Variants in CARS1 observed in about 807,000 individuals in gnomAD.
The protein encoded by CARS1 is cysteine--tRNA ligase, cytoplasmic.
A neutral mutation model predicts 106.2 loss-of-function variants in CARS1; 48 were observed. That is an observed-to-expected ratio of 0.45 (90% CI 0.36 to 0.57). The LOEUF is 0.57. CARS1 is among the 20% of genes least tolerant of loss of function. CARS1 has a pLI of 0.00. For missense variants in CARS1, 968 were observed against 1,057.2 expected, an observed-to-expected ratio of 0.92 and a Z score of 1.17; for synonymous variants, 409 against 403.4, an observed-to-expected ratio of 1.01 and a Z score of -0.17.
chr11:3,057,293 C>T (rs761574995), intron 1 of CARS1, 50 bp downstream of exon 1: 8 of 1,554,282 alleles, frequency 5.1e-6, no homozygotes, highest in Non-Finnish European at 7.1e-6. Context: ...GCACCCAGCG[C>T]CCAGTCAGGC....
chr11:3,053,744 A>G lies in CARS1; in HGVS notation c.25+3599T>C, dbSNP rs369330375. 5.9e-5 allele frequency among the ~76,000 whole-genome samples: 9 copies of G among 152,216 alleles called. No individual in the cohort carries two copies. Among genetic ancestry groups the G allele is most frequent in the South Asian group, 4.1e-4 (2 of 4,820 alleles). ...AAGTGAGGTTTAAACCAGCTTCCCCATGGGTGGAAAGCTTGCTAAAATGCA... is the reference window on the plus strand; with the variant it reads ...AAGTGAGGTTTAAACCAGCTTCCCCGTGGGTGGAAAGCTTGCTAAAATGCA... On this transcript the variant is annotated intron_variant, in intron 1 of 22. Coordinates refer to ENST00000380525, the MANE Select transcript of CARS1 (RefSeq NM_001014437.3). The surrounding 1 kb of genome is among the most constrained non-coding windows in gnomAD (Gnocchi z 6.6).
Position 3,050,973 on chromosome 11 carries a change from C to T in CARS1, c.26-2972G>A, listed in dbSNP as rs1320167793. On this transcript the variant is annotated intron_variant, in intron 1 of 22. Transcript: ENST00000380525. This position sits in a 1 kb window ranked among gnomAD's most constrained non-coding sequence, Gnocchi z 6.3. Reference sequence around the variant, plus strand: ...TCAGCATCTACAACTGAGCGTGTGACATTCCAGATATCAGCTAAAGTTGCC... The same window carrying T: ...TCAGCATCTACAACTGAGCGTGTGATATTCCAGATATCAGCTAAAGTTGCC... Among the ~76,000 whole-genome samples the T allele has an allele frequency of 6.6e-6, 1 of 152,260 alleles. No homozygotes were observed. Among genetic ancestry groups the T allele is most frequent in the Non-Finnish European group, 1.5e-5 (1 of 68,044 alleles).
In CARS1 at chr11:3,020,378, C is replaced by G. The variant is rs772670388; in HGVS notation, c.1154-46G>C. On this transcript the variant is annotated intron_variant, in intron 10 of 22. Transcript: ENST00000380525. The surrounding 1 kb of genome is among the most constrained non-coding windows in gnomAD (Gnocchi z 4.6). Reference sequence around the variant, plus strand: ...AGGCAAGGTCACTCAGCAGCACCCACAGACCCACATGTCTCACTTCAAGGC... The same window carrying G: ...AGGCAAGGTCACTCAGCAGCACCCAGAGACCCACATGTCTCACTTCAAGGC... 1 of 1,175,572 alleles carries G rather than the reference C, an allele frequency of 8.5e-7. No individual in the cohort carries two copies. The highest frequency in any genetic ancestry group is 1.3e-6 in the Non-Finnish European group (1 of 781,960). The allele number at this position is 1,175,572 out of a possible 1,614,324, so 72.8% of individuals were successfully genotyped here. A position where few individuals can be genotyped will look rare whatever the true frequency, so the allele number is the denominator to read the frequency against.
rs1195372964 is a variant in CARS1 at position 3,041,972 on chromosome 11, A to G, written c.366+193T>C. Among the ~76,000 whole-genome samples, 3 of 152,330 alleles carry G rather than the reference A, an allele frequency of 2.0e-5. No homozygotes were observed. In the East Asian group the frequency reaches 5.8e-4, roughly 29 times the overall value. On this transcript the variant is annotated intron_variant, in intron 3 of 22. Transcript: ENST00000380525. The surrounding 1 kb of genome is among the most constrained non-coding windows in gnomAD (Gnocchi z 4.9). The stretch of plus-strand genomic sequence containing the variant: ...ATGATACTTCACGTGTCTGGGTTTC[A>G]GAGGACAGCTCTGCCTCTGGGCCAC...
chr11:3,026,927 G>A, intron 9 of CARS1, 130 bp from the exon 10 acceptor site: 1 of 1,027,966 alleles, frequency 9.7e-7, no homozygotes, highest in East Asian at 2.5e-5. Flanking sequence ...CTCTGTGGTG[G>A]CCACTGAAAA....
intron 10 of CARS1, among the ~76,000 whole-genome samples, chr11:3,024,175 G>C (rs1851831602): frequency 6.6e-6 from 1 of 152,220 alleles, no homozygotes; most frequent in Non-Finnish European, 1.5e-5. Context: ...ACAGGCGTGA[G>C]CCACTGCACC....
In CARS1 at chr11:3,028,778, G is replaced by A. The variant is rs967334963; in HGVS notation, c.1031+218C>T. 1.8e-6 allele frequency: 1 copy of A among 542,476 alleles called. No homozygotes were observed. Among genetic ancestry groups the A allele is most frequent in the Non-Finnish European group, 3.3e-6 (1 of 307,504 alleles). The allele number at this position is 542,476 out of a possible 1,614,324, so 33.6% of individuals were successfully genotyped here. A position where few individuals can be genotyped will look rare whatever the true frequency, so the allele number is the denominator to read the frequency against. On this transcript the variant is annotated intron_variant, in intron 9 of 22. Transcript: ENST00000380525. This position sits in a 1 kb window ranked among gnomAD's most constrained non-coding sequence, Gnocchi z 4.4. The stretch of plus-strand genomic sequence containing the variant: ...TGCCGAGCTTCCCAGCAGATTCTGG[G>A]TTAGGTTCTCACCATGGCCCCCAGG...
At chr11:3,015,444 G>A (rs1850890361) in intron 17 of CARS1, among the ~76,000 whole-genome samples, 2 of 152,244 alleles carry the variant, frequency 1.3e-5, no homozygotes, top group Admixed American at 6.5e-5. Flanking sequence ...GTCAGTATAT[G>A]TGACGAAGTC....
Position 3,026,607 on chromosome 11 carries a change from G to A in CARS1, c.1153+69C>T, listed in dbSNP as rs1030281368. The A allele has an allele frequency of 3.8e-6, 6 of 1,574,188 alleles. No homozygotes were observed. The African/African-American group carries it at 8.1e-5, about 21-fold the overall frequency. ...GGGCTCAGCGCAGCCCCCGTGGCCT[G>A]CAAAGTCAACACAACCCAGGCTGGG... On this transcript the variant is annotated intron_variant, in intron 10 of 22. Coordinates refer to ENST00000380525, the MANE Select transcript of CARS1 (RefSeq NM_001014437.3).
rs1281325969 is a variant in CARS1, at chr11:3,046,305, A to C, written c.274+1448T>G. 1.3e-5 allele frequency among the ~76,000 whole-genome samples: 2 copies of C among 152,174 alleles called. No homozygotes were observed. Among genetic ancestry groups the C allele is most frequent in the African/African-American group, 2.4e-5 (1 of 41,438 alleles). On this transcript the variant is annotated intron_variant, in intron 2 of 22. Coordinates refer to ENST00000380525, the MANE Select transcript of CARS1 (RefSeq NM_001014437.3). This position sits in a 1 kb window ranked among gnomAD's most constrained non-coding sequence, Gnocchi z 5.8. ...AGGCCACTGCTGAGCTGGACGTACCAGGCCCGCTTCACCCTCCCTAATCCT... is the reference window on the plus strand; with the variant it reads ...AGGCCACTGCTGAGCTGGACGTACCCGGCCCGCTTCACCCTCCCTAATCCT...
intron 19 of CARS1, among the ~76,000 whole-genome samples, chr11:3,006,076 T>A (rs144279485): frequency 6.6e-6 from 1 of 152,352 alleles, no homozygotes; most frequent in East Asian, 1.9e-4. Flanking sequence ...ACATCTCAGT[T>A]ACCTAGATTT....
At chr11:3,025,133 C>G (rs1370328536) in intron 10 of CARS1, among the ~76,000 whole-genome samples, 2 of 152,190 alleles carry the variant, frequency 1.3e-5, no homozygotes, top group African/African-American at 4.8e-5. Flanking sequence ...CCCCTCTACT[C>G]CCACAAACCC....
chr11:3,026,910 A>G (rs494427), intron 9 of CARS1, 113 bp from the exon 10 acceptor site: 483,033 of 1,174,962 alleles, frequency 0.41, 105,740 homozygotes, highest in African/African-American at 0.73. Context: ...TCTGTGGCCT[A>G]TCTACTCTCT....
chr11:3,016,229 T>C (rs1850984003), intron 16 of CARS1, among the ~76,000 whole-genome samples: 1 of 151,390 alleles, frequency 6.6e-6, no homozygotes. Flanking sequence ...TCTCTTTTTT[T>C]TTTTTTTTTG....
At chr11:3,007,232 G>T in intron 18 of CARS1, 1 of 525,280 alleles carries the variant, frequency 1.9e-6, no homozygotes, top group South Asian at 2.7e-5. Flanking sequence ...AGAGCCAGGA[G>T]GAAGCATAGC....
intron 16 of CARS1, among the ~76,000 whole-genome samples, chr11:3,016,669 G>A (rs118142670): frequency 0.027 from 4,166 of 152,192 alleles, 92 homozygotes; most frequent in Admixed American, 0.061. Context: ...CCAGAGTGGA[G>A]TGCAGTAGTG....
rs1367331128 is a variant in CARS1 at position 3,052,460 on chromosome 11, A to G, written c.26-4459T>C. Among the ~76,000 whole-genome samples the G allele has an allele frequency of 6.6e-6, 1 of 152,350 alleles. No individual in the cohort carries two copies. Among genetic ancestry groups the G allele is most frequent in the South Asian group, 2.1e-4 (1 of 4,832 alleles). On this transcript the variant is annotated intron_variant, in intron 1 of 22. Transcript: ENST00000380525. This position sits in a 1 kb window ranked among gnomAD's most constrained non-coding sequence, Gnocchi z 4.6. ...ATGCTACACACAGAGAATTTCCTGGAGTTTTCCTAGGGCTCACACACCCAT... is the reference window on the plus strand; with the variant it reads ...ATGCTACACACAGAGAATTTCCTGGGGTTTTCCTAGGGCTCACACACCCAT...
At position 3,026,894 on chromosome 11, in the gene CARS1, G is replaced by A. The variant is rs1308655188; in HGVS notation, c.1032-97C>T. 13 of 1,412,334 alleles carry A rather than the reference G, an allele frequency of 9.2e-6. No individual in the cohort carries two copies. In the East Asian group the frequency reaches 1.7e-4, roughly 18 times the overall value. The allele number at this position is 1,412,334 out of a possible 1,614,324, so 87.5% of individuals were successfully genotyped here. On this transcript the variant is annotated intron_variant, in intron 9 of 22. Transcript: ENST00000380525. Reference sequence around the variant, plus strand: ...CAAAATAAAGCAGGGCTATAAAAGTGCGAAATCTGTGGCCTATCTACTCTC... The same window carrying A: ...CAAAATAAAGCAGGGCTATAAAAGTACGAAATCTGTGGCCTATCTACTCTC...
At position 3,048,023 on chromosome 11, in the gene CARS1, G is replaced by A. The variant is rs1855288374; in HGVS notation, c.26-22C>T. On this transcript the variant is annotated intron_variant, in intron 1 of 22. Coordinates refer to ENST00000380525, the MANE Select transcript of CARS1 (RefSeq NM_001014437.3). The surrounding 1 kb of genome is among the most constrained non-coding windows in gnomAD (Gnocchi z 5.1). ...GGAGCTGCAAAGACAGAGGGCACAT[G>A]GTGTCAGGCAGGCAGGCGGGCAGCC... 4 of 1,604,416 alleles carry A rather than the reference G, an allele frequency of 2.5e-6. No homozygotes were observed. Among genetic ancestry groups the A allele is most frequent in the Non-Finnish European group, 3.4e-6 (4 of 1,172,714 alleles).
Sources: gnomAD v4.1 joint callset for allele counts (sites outside exome capture counted in the v4.1 genomes callset) on GRCh38, gnomAD v4.1.1 for gene constraint, Gnocchi (gnomAD v3.1) non-coding constraint, MANE v1.5 for transcripts, NCBI Gene and HGNC (gene_info 2026-07-23, HGNC 2026-07-21) for gene names.